Variants in TSPAN11 observed in about 807,000 individuals in gnomAD.
The protein encoded by TSPAN11 is tetraspanin 11.
In TSPAN11, 29 loss-of-function variants were observed where a neutral mutation model predicts 32.9. The observed-to-expected ratio is 0.88, with a 90% CI of 0.66 to 1.20. The LOEUF is 1.20. Among genes scored for constraint, TSPAN11 ranks in the 50% most tolerant of loss-of-function variants. TSPAN11 has a pLI of 0.00. For missense variants in TSPAN11, 283 were observed against 329.1 expected (o/e 0.86, Z 1.08); for synonymous variants, 140 against 141.3 (o/e 0.99, Z 0.07).
chr12:30,978,687 A>G, intron 4 of TSPAN11, 52 bp downstream of exon 4: 2 of 1,589,146 alleles, frequency 1.3e-6, no homozygotes, highest in Non-Finnish European at 1.7e-6. Context: ...TGAAGAAGCA[A>G]TGTGGGTAGG....
At chr12:30,986,081 T>C (rs1329951878) in intron 7 of TSPAN11, among the ~76,000 whole-genome samples, 2 of 152,194 alleles carry the variant, frequency 1.3e-5, no homozygotes, top group African/African-American at 4.8e-5. Flanking sequence ...AAAGGGCTCA[T>C]ACCAGTCTCT....
chr12:30,954,201 G>A (rs558214500), intron 2 of TSPAN11, 126 bp downstream of exon 2: 33 of 719,450 alleles, frequency 4.6e-5, no homozygotes, highest in East Asian at 1.8e-4. Context: ...TCAACCATGG[G>A]TGAATTCTTC....
At chr12:30,965,765 G>T (rs546525038) in intron 3 of TSPAN11, among the ~76,000 whole-genome samples, 11 of 152,158 alleles carry the variant, frequency 7.2e-5, no homozygotes, top group African/African-American at 1.7e-4. Flanking sequence ...GGGAAGAAAC[G>T]GAGAGCAGAG....
intron 5 of TSPAN11, among the ~76,000 whole-genome samples, chr12:30,980,392 A>T (rs1446131267): frequency 1.3e-5 from 2 of 152,296 alleles, no homozygotes; most frequent in African/African-American, 4.8e-5. Context: ...CCGTGTGTCT[A>T]GTGAGCTCTG....
At chr12:30,984,461 A>C (rs910146312) in intron 7 of TSPAN11, among the ~76,000 whole-genome samples, 9 of 151,340 alleles carry the variant, frequency 5.9e-5, no homozygotes, top group South Asian at 2.1e-4. Flanking sequence ...TTTTCTGTAG[A>C]CTTCAGAGGA....
downstream of TSPAN11, among the ~76,000 whole-genome samples, chr12:30,999,519 C>T (rs1223831995): frequency 6.6e-6 from 1 of 150,824 alleles, no homozygotes; most frequent in Non-Finnish European, 1.5e-5. Flanking sequence ...AACACAAAGC[C>T]TATTTTATAA....
chr12:30,940,553 G>A lies in TSPAN11; in HGVS notation c.-11-13428G>A, dbSNP rs562559685. 3.3e-5 allele frequency among the ~76,000 whole-genome samples: 5 copies of A among 152,318 alleles called. No homozygotes were observed. The South Asian group carries it at 1.0e-3, about 32-fold the overall frequency. ...GAGGAGTATTGAATATTGTTGACAA[G>A]CAGCATAACATGGTGGTAAAGAGCC... is the stretch of plus-strand genomic sequence containing the variant. On this transcript the variant is annotated intron_variant, in intron 1 of 7. Transcript: ENST00000546076.
At chr12:30,991,249 TG>T (rs1939307059) in intron 7 of TSPAN11, among the ~76,000 whole-genome samples, 1 of 152,182 alleles carries the variant, frequency 6.6e-6, no homozygotes. Flanking sequence ...TATTCTATGC[TG>T]ACTGACAGGG....
At chr12:31,016,072 T>A in the TSPAN11 span, among the ~76,000 whole-genome samples, 1 of 152,070 alleles carries the variant, frequency 6.6e-6, no homozygotes, top group Non-Finnish European at 1.5e-5. Flanking sequence ...AGGCCAGGAG[T>A]TCGTGACCAG....
intron 1 of TSPAN11, among the ~76,000 whole-genome samples, chr12:30,946,697 A>G (rs1479574999): frequency 1.3e-5 from 2 of 152,242 alleles, no homozygotes; most frequent in African/African-American, 4.8e-5. Context: ...ACAGGCAGAG[A>G]GGAGCAGGTG....
chr12:31,007,238 G>A, the TSPAN11 span, among the ~76,000 whole-genome samples: 6 of 152,114 alleles, frequency 3.9e-5, no homozygotes, highest in African/African-American at 1.4e-4. Flanking sequence ...TGGAATACCA[G>A]ATAAATATTT....
chr12:30,975,238 G>T lies in TSPAN11; in HGVS notation c.277-3323G>T, dbSNP rs1305458290. Reference sequence around the variant, plus strand: ...GGGCAGAGGTGACAGGTCTGTCAGAGCCCATGACCTCACCCGGCTGAAGTC... The same window carrying T: ...GGGCAGAGGTGACAGGTCTGTCAGATCCCATGACCTCACCCGGCTGAAGTC... On this transcript the variant is annotated intron_variant, in intron 3 of 7. Transcript: ENST00000546076. This position sits in a 1 kb window ranked among gnomAD's most constrained non-coding sequence, Gnocchi z 4.5. 6.6e-6 allele frequency among the ~76,000 whole-genome samples: 1 copy of T among 152,174 alleles called. No individual in the cohort carries two copies. The highest frequency in any genetic ancestry group is 1.5e-5 in the Non-Finnish European group (1 of 68,026).
intron 7 of TSPAN11, among the ~76,000 whole-genome samples, chr12:30,987,374 C>T (rs1939220292): frequency 6.6e-6 from 1 of 152,082 alleles, no homozygotes; most frequent in African/African-American, 2.4e-5. Context: ...TTTGGGAGGC[C>T]GAGTCAGGTG....
At chr12:30,991,632 G>A (rs2140314853) in intron 7 of TSPAN11, among the ~76,000 whole-genome samples, 1 of 152,290 alleles carries the variant, frequency 6.6e-6, no homozygotes, top group South Asian at 2.1e-4. Flanking sequence ...GATAGTAGAT[G>A]GCAGAATGTG....
At chr12:30,986,734 C>G (rs1366652003) in intron 7 of TSPAN11, 2 of 152,208 alleles carry the variant, frequency 1.3e-5, no homozygotes, top group African/African-American at 4.8e-5. Flanking sequence ...GGGAGCACAC[C>G]TTGATTTCAG....
At chr12:30,960,721 C>T (rs1655084182) in intron 2 of TSPAN11, among the ~76,000 whole-genome samples, 1 of 151,958 alleles carries the variant, frequency 6.6e-6, no homozygotes, top group South Asian at 2.1e-4. Flanking sequence ...GCTGGCTAGT[C>T]GGCCACAGGC....
In TSPAN11 at chr12:30,995,501, G is replaced by T. The variant is rs78384294; in HGVS notation, c.*3586G>T. Reference sequence around the variant, plus strand: ...CCAGCACGGCCCTGTGGGGTGTGGGGGGAATATGGTAGATCATTGTGATGT... The same window carrying T: ...CCAGCACGGCCCTGTGGGGTGTGGGTGGAATATGGTAGATCATTGTGATGT... On this transcript the variant is annotated 3_prime_UTR_variant, in exon 8 of 8. Transcript: ENST00000546076. 5.3e-5 allele frequency: 8 copies of T among 152,302 alleles called. No homozygotes were observed. The highest frequency in any genetic ancestry group is 7.3e-5 in the Non-Finnish European group (5 of 68,126). 9.4% of individuals were successfully genotyped at this position (152,302 alleles called of 1,614,324 possible).
intron 3 of TSPAN11, among the ~76,000 whole-genome samples, chr12:30,976,593 T>TGTCCTGAGGCCCCC (rs1297400470): frequency 6.6e-6 from 1 of 152,152 alleles, no homozygotes; most frequent in Non-Finnish European, 1.5e-5. Flanking sequence ...CCCAGGCCCC[T>TGTCCTGAGGCCCCC]GTCCTGAGGC....
intron 4 of TSPAN11, chr12:30,978,917 A>G (rs1444145168): frequency 4.3e-6 from 2 of 469,718 alleles, no homozygotes; most frequent in African/African-American, 3.8e-5. Flanking sequence ...AGAATGGTCT[A>G]GAGGATGAAT....
Sources: gnomAD v4.1 joint callset for allele counts (sites outside exome capture counted in the v4.1 genomes callset) on GRCh38, gnomAD v4.1.1 for gene constraint, Gnocchi (gnomAD v3.1) non-coding constraint, MANE v1.5 for transcripts, NCBI Gene and HGNC (gene_info 2026-07-23, HGNC 2026-07-21) for gene names.